The following FGGY variants were observed in gnomAD, a reference collection of about 807,000 sequenced individuals.
The protein encoded by FGGY is FGGY carbohydrate kinase domain-containing protein.
FGGY carries 72 observed loss-of-function variants against 71.3 expected under a neutral mutation model. The observed-to-expected ratio is 1.01, with a 90% CI of 0.84 to 1.23. The LOEUF (loss-of-function observed/expected upper bound fraction) is 1.23. Among genes scored for constraint, FGGY ranks in the 50% most tolerant of loss-of-function variants. FGGY has a pLI of 0.00. For synonymous variants in FGGY, 251 were observed against 250.3 expected (o/e 1.00, Z -0.02); for missense variants, 668 against 682.3 (o/e 0.98, Z 0.23).
At chr1:59,618,509 T>G (rs370720210) in intron 9 of FGGY, among the ~76,000 whole-genome samples, 168 of 152,260 alleles carry the variant, frequency 1.1e-3, no homozygotes, top group African/African-American at 4.0e-3. Context: ...TTTCTTTCAG[T>G]TCTCTTGTAG....
At chr1:59,599,782 C>G (rs183449839) in intron 8 of FGGY, among the ~76,000 whole-genome samples, 3 of 150,246 alleles carry the variant, frequency 2.0e-5, no homozygotes, top group Admixed American at 2.0e-4. Flanking sequence ...TTTATGAACA[C>G]TAAGAGTTGA....
intron 7 of FGGY, among the ~76,000 whole-genome samples, chr1:59,534,333 A>G (rs1449030233): frequency 2.0e-5 from 3 of 152,226 alleles, no homozygotes; most frequent in African/African-American, 7.2e-5. Context: ...GGACTATGTG[A>G]AAAGACCAAA....
intron 5 of FGGY, among the ~76,000 whole-genome samples, chr1:59,390,936 T>A (rs962574050): frequency 6.6e-6 from 1 of 152,192 alleles, no homozygotes; most frequent in African/African-American, 2.4e-5. Flanking sequence ...TAGTAAAGCA[T>A]CTGTGAGGCA....
intron 14 of FGGY, among the ~76,000 whole-genome samples, chr1:59,689,513 C>G (rs1165845625): frequency 1.3e-5 from 2 of 151,932 alleles, no homozygotes; most frequent in Non-Finnish European, 2.9e-5. Flanking sequence ...TTCCCTTATC[C>G]TTTAACTGTC....
At chr1:59,539,301 C>A (rs1270391811) in intron 7 of FGGY, among the ~76,000 whole-genome samples, 1 of 152,016 alleles carries the variant, frequency 6.6e-6, no homozygotes, top group Non-Finnish European at 1.5e-5. Context: ...TGGAAAGGAT[C>A]AATAATAAGA....
intron 2 of FGGY, among the ~76,000 whole-genome samples, chr1:59,336,027 G>A (rs1319600202): frequency 6.6e-6 from 1 of 151,848 alleles, no homozygotes; most frequent in East Asian, 1.9e-4. Flanking sequence ...TTTTTCTTTT[G>A]TGGGTCTTGC....
chr1:59,571,698 T>C (rs2095988169), intron 8 of FGGY, among the ~76,000 whole-genome samples: 1 of 152,124 alleles, frequency 6.6e-6, no homozygotes. Context: ...TTGAATCAAC[T>C]CAAATTTCAT....
At chr1:59,573,705 A>G (rs1268208157) in intron 8 of FGGY, among the ~76,000 whole-genome samples, 1 of 152,188 alleles carries the variant, frequency 6.6e-6, no homozygotes. Context: ...ATGAGTTAAT[A>G]TACCACTCAT....
At chr1:59,684,437 C>T (rs567686447) in intron 14 of FGGY, among the ~76,000 whole-genome samples, 5 of 152,190 alleles carry the variant, frequency 3.3e-5, no homozygotes, top group East Asian at 1.9e-4. Context: ...TGGCTGGTGA[C>T]GGAGCTAGAA....
chr1:59,491,237 G>C (rs61658260), intron 6 of FGGY, among the ~76,000 whole-genome samples: 9,459 of 148,120 alleles, frequency 0.064, 395 homozygotes, highest in East Asian at 0.12. Context: ...AAATTTTAAG[G>C]CTTTTTTCTA....
intron 2 of FGGY, 149 bp downstream of exon 2, chr1:59,321,899 C>A: frequency 1.4e-6 from 1 of 691,092 alleles, no homozygotes; most frequent in Non-Finnish European, 2.4e-6. Flanking sequence ...TCACAGTCTA[C>A]TGGCAGAGAC....
At chr1:59,579,237 A>G (rs1394950415) in intron 8 of FGGY, among the ~76,000 whole-genome samples, 5 of 152,048 alleles carry the variant, frequency 3.3e-5, no homozygotes, top group African/African-American at 7.3e-5. Flanking sequence ...ATTGCTCTCC[A>G]TCACCAGTTT....
intron 15 of FGGY, among the ~76,000 whole-genome samples, chr1:59,761,016 A>G (rs570091499): frequency 1.3e-5 from 2 of 152,172 alleles, no homozygotes; most frequent in East Asian, 3.8e-4. Context: ...TTAAAATATT[A>G]ATTATCTAAA....
In FGGY at chr1:59,330,062, C is replaced by T. The variant is rs529173307; in HGVS notation, c.201+8312C>T. Among the ~76,000 whole-genome samples the T allele has an allele frequency of 4.6e-5, 7 of 152,284 alleles. No individual in the cohort carries two copies. In the East Asian group the frequency reaches 5.8e-4, roughly 13 times the overall value. On this transcript the variant is annotated intron_variant, in intron 2 of 15. Coordinates refer to ENST00000303721, the MANE Select transcript of FGGY (RefSeq NM_018291.5). ...TTAAATGTTTTCACAGTGCCTTGTA[C>T]GTCTCTTTCATAGAACTCCATGTGG...
chr1:59,522,473 A>C (rs1369965013), intron 7 of FGGY, among the ~76,000 whole-genome samples: 1 of 152,150 alleles, frequency 6.6e-6, no homozygotes, highest in African/African-American at 2.4e-5. Context: ...GCAGCACAGG[A>C]GTCTGGGTTC....
At chr1:59,366,573 G>A (rs920922052) in intron 4 of FGGY, among the ~76,000 whole-genome samples, 1 of 151,948 alleles carries the variant, frequency 6.6e-6, no homozygotes, top group African/African-American at 2.4e-5. Flanking sequence ...TCAAACCTTG[G>A]TATCAGGCTT....
intron 7 of FGGY, among the ~76,000 whole-genome samples, chr1:59,551,776 A>G (rs1317401928): frequency 1.3e-5 from 2 of 152,214 alleles, no homozygotes; most frequent in Non-Finnish European, 2.9e-5. Flanking sequence ...GATAATACTA[A>G]TACCAATGAC....
intron 7 of FGGY, among the ~76,000 whole-genome samples, chr1:59,536,606 C>G (rs1456636160): frequency 6.6e-6 from 1 of 152,124 alleles, no homozygotes; most frequent in Non-Finnish European, 1.5e-5. Flanking sequence ...CCGAATCCAG[C>G]AGCACATCAA....
intron 6 of FGGY, among the ~76,000 whole-genome samples, chr1:59,482,425 CA>C (rs976981276): frequency 3.7e-4 from 57 of 152,016 alleles, no homozygotes; most frequent in Non-Finnish European, 1.0e-4. Flanking sequence ...CACTTTCAAG[CA>C]AGTTTTTGCC....
Sources: allele counts gnomAD v4.1 joint callset (sites outside exome capture counted in the v4.1 genomes callset), GRCh38; gene constraint gnomAD v4.1.1; transcripts MANE v1.5; gene names NCBI Gene and HGNC (gene_info 2026-07-23, HGNC 2026-07-21).